The following ZER1 variants were observed in gnomAD, a reference collection of about 807,000 sequenced individuals.
ZER1 encodes zyg-11 related cell cycle regulator.
A neutral mutation model predicts 78.8 loss-of-function variants in ZER1; 11 were observed. The ratio of observed to expected loss-of-function variants is 0.14; its 90% CI spans 0.09 to 0.23. The LOEUF (loss-of-function observed/expected upper bound fraction) is 0.23, where lower values mean the gene tolerates loss of function less well. ZER1 is among the 10% of genes least tolerant of loss of function. The pLI is 1.00. For synonymous variants in ZER1, 400 were observed against 407.0 expected (o/e 0.98, Z 0.21); for missense variants, 588 against 996.9 (o/e 0.59, Z 5.52).
Position 128,754,376 on chromosome 9 carries a change from CCT to C in ZER1, c.159-419_159-418del, listed in dbSNP as rs1863789414. Among the ~76,000 whole-genome samples the C allele has an allele frequency of 6.6e-6, 1 of 152,164 alleles. No individual in the cohort carries two copies. Among genetic ancestry groups the C allele is most frequent in the Non-Finnish European group, 1.5e-5 (1 of 68,028 alleles). ...GTACAGGACAAGCCCTTAATGAAGC[CCT>C]GTTGAGACATCAGCTCATGCAAGAA... On this transcript the variant is annotated intron_variant, in intron 2 of 15. Transcript: ENST00000291900. The surrounding 1 kb of genome is among the most constrained non-coding windows in gnomAD (Gnocchi z 4.3).
intron 1 of ZER1, among the ~76,000 whole-genome samples, chr9:128,756,078 A>G (rs539737416): frequency 2.9e-4 from 44 of 152,296 alleles, no homozygotes; most frequent in Middle Eastern, 3.4e-3. Context: ...TATAGACATG[A>G]TATCACTGAA....
At chr9:128,767,679 T>C (rs1864259159) in intron 1 of ZER1, among the ~76,000 whole-genome samples, 1 of 152,196 alleles carries the variant, frequency 6.6e-6, no homozygotes, top group South Asian at 2.1e-4. Context: ...CCCCTTGCCA[T>C]TATGCTATGG....
intron 15 of ZER1, 124 bp downstream of exon 15, chr9:128,733,302 C>T: frequency 2.7e-6 from 2 of 744,392 alleles, no homozygotes; most frequent in Non-Finnish European, 4.6e-6. Flanking sequence ...CACTGTCAAC[C>T]TCCATACTCA....
At position 128,745,595 on chromosome 9, in the gene ZER1, G is replaced by A. The variant is rs553646342; in HGVS notation, c.1360-2850C>T. On this transcript the variant is annotated intron_variant, in intron 8 of 15. Coordinates refer to ENST00000291900, the MANE Select transcript of ZER1 (RefSeq NM_006336.4). ...TGGTCTTGAACTCCTGACCTCAGAT[G>A]ATCCACCCGCCTCAGCCTCCCAAAG... is the stretch of plus-strand genomic sequence containing the variant. Among the ~76,000 whole-genome samples, 480 of 152,050 alleles carry A rather than the reference G, an allele frequency of 3.2e-3. 2 individuals carry two copies. The highest frequency in any genetic ancestry group is 0.011 in the African/African-American group (460 of 41,492).
At chr9:128,762,205 C>T (rs1307497447) in intron 1 of ZER1, among the ~76,000 whole-genome samples, 1 of 151,690 alleles carries the variant, frequency 6.6e-6, no homozygotes, top group Non-Finnish European at 1.5e-5. Context: ...CCCAGGGAAG[C>T]TAAAAGATTG....
In ZER1 at chr9:128,755,636, C is replaced by T; in HGVS notation, c.-71G>A. On this transcript the variant is annotated 5_prime_UTR_variant, in exon 2 of 16. The change creates a new upstream start codon in the 5' untranslated region. Transcript: ENST00000291900. The surrounding 1 kb of genome is among the most constrained non-coding windows in gnomAD (Gnocchi z 5.6). ...GGCAACAGTGATTCCTGAATACTCA[C>T]AGGATCATTGGCAGAGCCACTGCCT... 1.7e-5 allele frequency: 27 copies of T among 1,568,430 alleles called. No homozygotes were observed. Among genetic ancestry groups the T allele is most frequent in the Non-Finnish European group, 2.3e-5 (26 of 1,148,740 alleles).
At position 128,740,649 on chromosome 9, in the gene ZER1, TA is replaced by T. The variant is rs1294040130; in HGVS notation, c.1853+122del. ...GGATTGAATGAATAAGAAACCACAT[TA>T]TCGAGGGAAAATGACATTTATAGCA... On this transcript the variant is annotated intron_variant, in intron 12 of 15. Coordinates refer to ENST00000291900, the MANE Select transcript of ZER1 (RefSeq NM_006336.4). This position sits in a 1 kb window ranked among gnomAD's most constrained non-coding sequence, Gnocchi z 4.4. The T allele has an allele frequency of 6.6e-6, 4 of 608,648 alleles. No homozygotes were observed. The highest frequency in any genetic ancestry group is 1.2e-5 in the Non-Finnish European group (4 of 335,260). 37.7% of individuals were successfully genotyped at this position (608,648 alleles called of 1,614,324 possible). A position where few individuals can be genotyped will look rare whatever the true frequency, so the allele number is the denominator to read the frequency against.
Position 128,754,202 on chromosome 9 carries a change from T to C in ZER1, c.159-243A>G, listed in dbSNP as rs1022520247. On this transcript the variant is annotated intron_variant, in intron 2 of 15. Transcript: ENST00000291900. The surrounding 1 kb of genome is among the most constrained non-coding windows in gnomAD (Gnocchi z 4.3). ...GTGATGCAGGCGCCATCTCTCCCAG[T>C]GCACATGCCTGTCACACAGCCTCCA... Among the ~76,000 whole-genome samples, 17 of 152,144 alleles carry C rather than the reference T, an allele frequency of 1.1e-4. No individual in the cohort carries two copies. The highest frequency in any genetic ancestry group is 2.1e-4 in the South Asian group (1 of 4,836).
chr9:128,748,004 C>A (rs1264906762), intron 8 of ZER1, among the ~76,000 whole-genome samples: 1 of 152,156 alleles, frequency 6.6e-6, no homozygotes, highest in African/African-American at 2.4e-5. Context: ...CTTATAATCC[C>A]AGCACTTTGG....
rs909315723 is a variant in ZER1 at position 128,753,070 on chromosome 9, C to A, written c.746+94G>T. 4 of 1,342,140 alleles carry A rather than the reference C, an allele frequency of 3.0e-6. No individual in the cohort carries two copies. Among genetic ancestry groups the A allele is most frequent in the Non-Finnish European group, 4.0e-6 (4 of 1,005,784 alleles). 83.1% of individuals were successfully genotyped at this position (1,342,140 alleles called of 1,614,324 possible). A position where few individuals can be genotyped will look rare whatever the true frequency, so the allele number is the denominator to read the frequency against. On this transcript the variant is annotated intron_variant, in intron 4 of 15. Coordinates refer to ENST00000291900, the MANE Select transcript of ZER1 (RefSeq NM_006336.4). This position sits in a 1 kb window ranked among gnomAD's most constrained non-coding sequence, Gnocchi z 7.5. ...TCCCCACCCTCTGCCTAGCCAAGCG[C>A]TCCTGAACCCTGAGGGCGTGACAAC...
At chr9:128,750,537 G>A (rs2132440499) in intron 8 of ZER1, 79 bp downstream of exon 8, 1 of 1,530,410 alleles carries the variant, frequency 6.5e-7, no homozygotes, top group Non-Finnish European at 8.9e-7. Context: ...CAGAGCCGGG[G>A]GAGCCCTAGC....
In ZER1 at chr9:128,734,142, A is replaced by ATAT. The variant is rs1372132455; in HGVS notation, c.2141-615_2141-614insATA. On this transcript the variant is annotated intron_variant, in intron 14 of 15. Coordinates refer to ENST00000291900, the MANE Select transcript of ZER1 (RefSeq NM_006336.4). ...AACTCCGTCTCAAAAAAAAAAAAAA[A>ATAT]AAATATATATATATATATATAAAAT... Among the ~76,000 whole-genome samples, 116 of 19,644 alleles carry ATAT rather than the reference A, an allele frequency of 5.9e-3. 20 individuals carry two copies. Among genetic ancestry groups the ATAT allele is most frequent in the African/African-American group, 0.013 (108 of 8,182 alleles). 12.9% of individuals were successfully genotyped at this position (19,644 alleles called of 152,430 possible).
chr9:128,770,260 A>AT (rs1162173499), intron 1 of ZER1, among the ~76,000 whole-genome samples: 1 of 152,062 alleles, frequency 6.6e-6, no homozygotes, highest in Non-Finnish European at 1.5e-5. Context: ...AGTAACTTGG[A>AT]TTACAGACAT....
intron 1 of ZER1, among the ~76,000 whole-genome samples, chr9:128,771,145 A>C (rs938957448): frequency 6.6e-6 from 1 of 152,218 alleles, no homozygotes; most frequent in Non-Finnish European, 1.5e-5. Context: ...AGTCAGTTTC[A>C]CTATCAACTC....
At chr9:128,733,353 C>T in intron 15 of ZER1, 73 bp downstream of exon 15, 2 of 1,384,964 alleles carry the variant, frequency 1.4e-6, no homozygotes, top group East Asian at 2.4e-5. Flanking sequence ...TTCCTAACCT[C>T]CAGAGGGCGC....
chr9:128,746,660 A>G (rs898981178), intron 8 of ZER1, among the ~76,000 whole-genome samples: 21 of 151,098 alleles, frequency 1.4e-4, no homozygotes, highest in African/African-American at 5.1e-4. Flanking sequence ...TTTGAGACAG[A>G]GTTTCACTCT....
chr9:128,741,965 T>C, intron 9 of ZER1, 124 bp from the exon 10 acceptor site: 2 of 1,277,384 alleles, frequency 1.6e-6, no homozygotes, highest in South Asian at 1.2e-5. Context: ...CGAGATCAAG[T>C]CTCCCTATAT....
At position 128,753,026 on chromosome 9, in the gene ZER1, GA is replaced by G. The variant is rs1314311562; in HGVS notation, c.746+137del. On this transcript the variant is annotated intron_variant, in intron 4 of 15. Transcript: ENST00000291900. The surrounding 1 kb of genome is among the most constrained non-coding windows in gnomAD (Gnocchi z 7.5). ...ATCCAGCTGAAACACTGGGTTTAAG[GA>G]ATGGGACTGTGTCTTCATCCCCACC... The G allele has an allele frequency of 6.7e-6, 8 of 1,197,800 alleles. No individual in the cohort carries two copies. The East Asian group carries it at 2.0e-4, about 30-fold the overall frequency. 74.2% of individuals were successfully genotyped at this position (1,197,800 alleles called of 1,614,324 possible). A position where few individuals can be genotyped will look rare whatever the true frequency, so the allele number is the denominator to read the frequency against.
chr9:128,753,766 C>T lies in ZER1; in HGVS notation c.309+43G>A. Reference sequence around the variant, plus strand: ...CTGGAGGCGAGCAGCCTGGCCCCTGCTTGGTGTGGGCCCTCCTGGCGCTGT... The same window carrying T: ...CTGGAGGCGAGCAGCCTGGCCCCTGTTTGGTGTGGGCCCTCCTGGCGCTGT... On this transcript the variant is annotated intron_variant, in intron 3 of 15. Transcript: ENST00000291900. This position sits in a 1 kb window ranked among gnomAD's most constrained non-coding sequence, Gnocchi z 7.5. 1 of 1,590,546 alleles carries T rather than the reference C, an allele frequency of 6.3e-7. No homozygotes were observed. The highest frequency in any genetic ancestry group is 8.6e-7 in the Non-Finnish European group (1 of 1,166,966).
Sources: allele counts gnomAD v4.1 joint callset (sites outside exome capture counted in the v4.1 genomes callset), GRCh38; gene constraint gnomAD v4.1.1; non-coding constraint Gnocchi (gnomAD v3.1); transcripts MANE v1.5; gene names NCBI Gene and HGNC (gene_info 2026-07-23, HGNC 2026-07-21).